Variants in ZNF287 observed in about 807,000 individuals in gnomAD.
The protein encoded by ZNF287 is zinc finger protein with KRAB and SCAN domains 13.
A neutral mutation model predicts 73.7 loss-of-function variants in ZNF287; 31 were observed. The observed-to-expected ratio is 0.42, with a 90% CI of 0.32 to 0.57. ZNF287 has a LOEUF of 0.57. ZNF287 is among the 20% of genes least tolerant of loss of function. ZNF287 has a pLI of 0.13. For missense variants in ZNF287, 641 were observed against 909.3 expected (o/e 0.70, Z 3.79); for synonymous variants, 301 against 307.2 (o/e 0.98, Z 0.21).
In ZNF287 at chr17:16,550,854, C is replaced by CAGTTTTTT; in HGVS notation, c.*1001_*1002insAAAAAACT. On this transcript the variant is annotated 3_prime_UTR_variant, in exon 6 of 6. Coordinates refer to ENST00000395825, the MANE Select transcript of ZNF287 (RefSeq NM_020653.4). ...AAAAATGGGAACTGTATACTTTATA[C>CAGTTTTTT]CTACTTTTTTCCTTCAGGATGACCT... Among the ~76,000 whole-genome samples, 1 of 152,128 alleles carries CAGTTTTTT rather than the reference C, an allele frequency of 6.6e-6. No individual in the cohort carries two copies.
At chr17:16,562,024 G>A (rs934140181) in intron 5 of ZNF287, among the ~76,000 whole-genome samples, 2 of 152,068 alleles carry the variant, frequency 1.3e-5, no homozygotes, top group Admixed American at 6.6e-5. Flanking sequence ...ACTGTAAAAC[G>A]GCTCAGTGCA....
At chr17:16,559,993 C>T (rs1309046002) in intron 5 of ZNF287, among the ~76,000 whole-genome samples, 1 of 151,910 alleles carries the variant, frequency 6.6e-6, no homozygotes, top group Non-Finnish European at 1.5e-5. Flanking sequence ...TTCTCTGTTG[C>T]CCAGGCTGGA....
In ZNF287 at chr17:16,551,259, A is replaced by G. The variant is rs1906635403; in HGVS notation, c.*597T>C. The G allele has an allele frequency of 6.6e-6, 1 of 152,232 alleles. No individual in the cohort carries two copies. Among genetic ancestry groups the G allele is most frequent in the African/African-American group, 2.4e-5 (1 of 41,460 alleles). The allele number at this position is 152,232 out of a possible 1,614,324, so 9.4% of individuals were successfully genotyped here. On this transcript the variant is annotated 3_prime_UTR_variant, in exon 6 of 6. Coordinates refer to ENST00000395825, the MANE Select transcript of ZNF287 (RefSeq NM_020653.4). ...GCTTACTCTTTTCTGTAATTTTAAG[A>G]TCACTCTCTAGTGTGAAATCTCTAT...
Position 16,567,783 on chromosome 17 carries a change from G to A in ZNF287, c.-52C>T. 6.5e-7 allele frequency: 1 copy of A among 1,542,728 alleles called. No individual in the cohort carries two copies. Among genetic ancestry groups the A allele is most frequent in the Non-Finnish European group, 8.7e-7 (1 of 1,149,086 alleles). ...CAATATCCTTTATTTCTCCAGTAGT[G>A]AGCCAACTGCTTGAAGTCTCATGCT... On this transcript the variant is annotated 5_prime_UTR_variant, in exon 2 of 6. Coordinates refer to ENST00000395825, the MANE Select transcript of ZNF287 (RefSeq NM_020653.4).
rs1486144896 is a variant in ZNF287, at chr17:16,553,086, G to A, written c.1056C>T (p.Val352=). The A allele has an allele frequency of 6.2e-7, 1 of 1,614,180 alleles. No homozygotes were observed. Among genetic ancestry groups the A allele is most frequent in the African/African-American group, 1.3e-5 (1 of 75,054 alleles). ...TTTTCCTATGTACAATACCATATGA[G>A]ACATGATTGAAGGTTGCCCTGCCTT... The part of the protein sequence containing the change: ...YNEGRATFNH[V]SYGIVHRKIL... The change falls in exon 6 of 6, where the codon GTC becomes GTT. Residue 352 remains valine (V), a synonymous_variant. Transcript: ENST00000395825.
At chr17:16,554,154 A>G (rs1209306748) in intron 5 of ZNF287, among the ~76,000 whole-genome samples, 2 of 150,542 alleles carry the variant, frequency 1.3e-5, no homozygotes, top group African/African-American at 4.9e-5. Context: ...TTTCTATTCT[A>G]TTGTCTCCTA....
chr17:16,559,954 A>T (rs562574455), intron 5 of ZNF287, among the ~76,000 whole-genome samples: 17 of 152,024 alleles, frequency 1.1e-4, no homozygotes, highest in African/African-American at 3.6e-4. Context: ...ATATATATAT[A>T]TATTTTTCTT....
rs182486546 is a variant in ZNF287 at position 16,548,944 on chromosome 17, T to G, written c.*2912A>C. On this transcript the variant is annotated 3_prime_UTR_variant, in exon 6 of 6. Transcript: ENST00000395825. ...ATATTAGGGAATTACTATTTGTTTT[T>G]TTTTTAAAGGTATGTAAATGTATTG... is the stretch of plus-strand genomic sequence containing the variant. Among the ~76,000 whole-genome samples, 12 of 152,334 alleles carry G rather than the reference T, an allele frequency of 7.9e-5. No individual in the cohort carries two copies. Among genetic ancestry groups the G allele is most frequent in the African/African-American group, 2.2e-4 (9 of 41,588 alleles).
chr17:16,553,371 T>A lies in ZNF287; in HGVS notation c.771A>T (p.Thr257=), dbSNP rs1291456248. ...ATTTGATGGTATGGGTTTCTTCCTTTGTGAGTTTAGACATATCCTCCACTG... is the reference window on the plus strand; with the variant it reads ...ATTTGATGGTATGGGTTTCTTCCTTAGTGAGTTTAGACATATCCTCCACTG... ...CTPVEDMSKL[T]KEETHTIKLE... is the part of the protein sequence containing the mutation. The change falls in exon 6 of 6, where the codon ACA becomes ACT. Residue 257 remains threonine (T), a synonymous_variant. Transcript: ENST00000395825. 1 of 1,609,880 alleles carries A rather than the reference T, an allele frequency of 6.2e-7. No homozygotes were observed.
intron 2 of ZNF287, 112 bp from the exon 3 acceptor site, chr17:16,566,734 CA>C (rs1252314188): frequency 7.5e-5 from 49 of 651,768 alleles, no homozygotes; most frequent in Admixed American, 2.1e-4. Context: ...AGAAGGAAAT[CA>C]AAAACAGCAC....
At chr17:16,567,193 G>C (rs1024394251) in intron 2 of ZNF287, 136 bp downstream of exon 2, 1 of 1,177,804 alleles carries the variant, frequency 8.5e-7, no homozygotes, top group South Asian at 1.6e-5. Context: ...GTTCTCCCCA[G>C]TTTCTTTCTT....
chr17:16,553,316 G>T lies in ZNF287; in HGVS notation c.826C>A (p.Leu276Ile), dbSNP rs1268867743. 1.2e-6 allele frequency: 2 copies of T among 1,613,824 alleles called. No individual in the cohort carries two copies. The highest frequency in any genetic ancestry group is 4.5e-5 in the East Asian group (2 of 44,860). The change falls in exon 6 of 6, where the codon CTA becomes ATA. Residue 276 changes from leucine (L) to isoleucine (I), a missense_variant. Transcript: ENST00000395825. ...AAGCCACCTTTTCCTCGCCTCTCTA[G>T]TCTATCATCGTAGTCATATGAGTCT... ...LEDSYDYDDR[L>I]ERRGKGGFWK...
chr17:16,547,256 G>T lies in ZNF287; in HGVS notation c.*4600C>A, dbSNP rs528204901. Among the ~76,000 whole-genome samples, 1 of 152,294 alleles carries T rather than the reference G, an allele frequency of 6.6e-6. No homozygotes were observed. The highest frequency in any genetic ancestry group is 1.9e-4 in the East Asian group (1 of 5,182). On this transcript the variant is annotated 3_prime_UTR_variant, in exon 6 of 6. Transcript: ENST00000395825. ...ATGTGATGGGAAAGGAGGGCTATTA[G>T]CTTATAAACACCGTAAGTTATAGAC...
At chr17:16,553,564 T>C (rs1906842404) in intron 5 of ZNF287, 138 bp from the exon 6 acceptor site, 1 of 676,122 alleles carries the variant, frequency 1.5e-6, no homozygotes, top group Non-Finnish European at 2.2e-6. Context: ...TCTTTAAAAC[T>C]TGGGAAAGGA....
rs1015039640 is a variant in ZNF287 at position 16,551,095 on chromosome 17, A to G, written c.*761T>C. Among the ~76,000 whole-genome samples the G allele has an allele frequency of 6.6e-6, 1 of 152,174 alleles. No homozygotes were observed. Among genetic ancestry groups the G allele is most frequent in the Non-Finnish European group, 1.5e-5 (1 of 68,020 alleles). On this transcript the variant is annotated 3_prime_UTR_variant, in exon 6 of 6. Coordinates refer to ENST00000395825, the MANE Select transcript of ZNF287 (RefSeq NM_020653.4). ...GTGGTCACATAGAAATCTTTAAGATACTTCCAACTGTTTTTTTTTCAAACC... is the reference window on the plus strand; with the variant it reads ...GTGGTCACATAGAAATCTTTAAGATGCTTCCAACTGTTTTTTTTTCAAACC...
Position 16,553,039 on chromosome 17 carries a change from T to C in ZNF287, c.1103A>G (p.Tyr368Cys). The change falls in exon 6 of 6, where the codon TAC becomes TGC. Residue 368 changes from tyrosine to cysteine, a missense_variant. Coordinates refer to ENST00000395825, the MANE Select transcript of ZNF287 (RefSeq NM_020653.4). The part of the protein sequence containing the change: ...HRKILPGEKP[Y>C]KCNVCGKKFR... ...TTTTTTCCCACACACATTACACTTG[T>C]AAGGCTTCTCTCCAGGAAGTATTTT... 6.2e-7 allele frequency: 1 copy of C among 1,614,192 alleles called. No homozygotes were observed.
In ZNF287 at chr17:16,553,181, A is replaced by C; in HGVS notation, c.961T>G (p.Phe321Val). The C allele has an allele frequency of 1.2e-6, 2 of 1,603,794 alleles. No homozygotes were observed. The highest frequency in any genetic ancestry group is 1.7e-6 in the Non-Finnish European group (2 of 1,171,068). ...LSKYDIYRNN[F>V]EKHSNLIVQF... ...ACAATTAGGTTTGAATGCTTTTCAA[A>C]ATTATTTCTATATATATCATATTTA... is the stretch of plus-strand genomic sequence containing the variant. Residue 321 changes from phenylalanine (F) to valine (V), a missense_variant, in exon 6 of 6, where the codon TTT (phenylalanine) becomes GTT (valine). Phe to Val is a conservative substitution (Grantham distance 50). Transcript: ENST00000395825.
At chr17:16,556,518 G>T (rs1221965430) in intron 5 of ZNF287, among the ~76,000 whole-genome samples, 3 of 151,884 alleles carry the variant, frequency 2.0e-5, no homozygotes, top group Admixed American at 2.0e-4. Context: ...ACTCCAGTAG[G>T]TGTAGCAAAA....
chr17:16,561,980 A>C (rs999463697), intron 5 of ZNF287, among the ~76,000 whole-genome samples: 2 of 152,164 alleles, frequency 1.3e-5, no homozygotes, highest in Non-Finnish European at 2.9e-5. Flanking sequence ...CGTTCTTAGG[A>C]GGTATTTAGG....
Sources: allele counts gnomAD v4.1 joint callset (sites outside exome capture counted in the v4.1 genomes callset), GRCh38; gene constraint gnomAD v4.1.1; transcripts MANE v1.5; gene names NCBI Gene and HGNC (gene_info 2026-07-23, HGNC 2026-07-21).